VPS13B: variants seen among roughly 807,000 people sequenced by gnomAD.
VPS13B encodes intermembrane lipid transfer protein VPS13B.
Under a neutral mutation model 426.4 loss-of-function variants are expected in VPS13B, and 285 were observed. The ratio of observed to expected loss-of-function variants is 0.67; its 90% CI spans 0.61 to 0.74. The LOEUF (loss-of-function observed/expected upper bound fraction) is 0.74. Ranked by LOEUF, VPS13B falls within the 30% of genes least tolerant of loss-of-function variation. The pLI is 0.00. For missense variants in VPS13B, 4,537 were observed against 4,782.6 expected, an observed-to-expected ratio of 0.95 and a Z score of 1.51; for synonymous variants, 1,676 against 1,676.4, an observed-to-expected ratio of 1.00 and a Z score of 0.01.
chr8:99,021,864 C>T (rs1402372589), intron 2 of VPS13B, among the ~76,000 whole-genome samples: 1 of 152,144 alleles, frequency 6.6e-6, no homozygotes, highest in Non-Finnish European at 1.5e-5. Context: ...CTTCCAACCT[C>T]AGCCTCCCAA....
chr8:99,856,685 C>A (rs956419512), intron 56 of VPS13B, among the ~76,000 whole-genome samples: 3 of 151,934 alleles, frequency 2.0e-5, no homozygotes, highest in Non-Finnish European at 2.9e-5. Flanking sequence ...TACTAAAATA[C>A]AAAAAATTAG....
chr8:99,684,731 T>C (rs1322857978), intron 35 of VPS13B, among the ~76,000 whole-genome samples: 1 of 152,226 alleles, frequency 6.6e-6, no homozygotes, highest in Non-Finnish European at 1.5e-5. Context: ...CCTAGAACTC[T>C]GAAATAATTT....
At chr8:99,028,401 C>G (rs1842261642) in intron 2 of VPS13B, among the ~76,000 whole-genome samples, 1 of 147,940 alleles carries the variant, frequency 6.8e-6, no homozygotes, top group Admixed American at 6.6e-5. Context: ...CTGACCCCCC[C>G]CACCTCCCTC....
intron 19 of VPS13B, among the ~76,000 whole-genome samples, chr8:99,378,140 C>G (rs1028071746): frequency 7.3e-6 from 1 of 136,442 alleles, no homozygotes; most frequent in Non-Finnish European, 1.6e-5. Context: ...TAGAGCCCCC[C>G]CCCCCCGGAA....
intron 21 of VPS13B, among the ~76,000 whole-genome samples, chr8:99,430,424 A>G (rs939938786): frequency 1.3e-5 from 2 of 152,160 alleles, no homozygotes; most frequent in Non-Finnish European, 2.9e-5. Flanking sequence ...AAAATACTAC[A>G]TATAAATTAT....
intron 19 of VPS13B, among the ~76,000 whole-genome samples, chr8:99,298,153 C>T (rs1384865464): frequency 6.6e-6 from 1 of 152,160 alleles, no homozygotes; most frequent in Non-Finnish European, 1.5e-5. Flanking sequence ...GCTAACTTTT[C>T]AGAGAGTTCC....
chr8:99,439,321 C>T (rs1339666717), intron 22 of VPS13B, among the ~76,000 whole-genome samples: 2 of 152,090 alleles, frequency 1.3e-5, no homozygotes, highest in South Asian at 4.1e-4. Context: ...TGTTTGACTT[C>T]ATAAAGTTTA....
At chr8:99,451,281 A>G (rs1818183086) in intron 23 of VPS13B, among the ~76,000 whole-genome samples, 1 of 152,048 alleles carries the variant, frequency 6.6e-6, no homozygotes, top group Admixed American at 6.6e-5. Flanking sequence ...ATCCCACTCA[A>G]TCCTCCAGCC....
At chr8:99,305,284 AAAC>A (rs1026308326) in intron 19 of VPS13B, among the ~76,000 whole-genome samples, 4 of 152,148 alleles carry the variant, frequency 2.6e-5, no homozygotes, top group Non-Finnish European at 5.9e-5. Context: ...GTTCAGGAAA[AAAC>A]AACCAATAAA....
At chr8:99,380,135 T>C (rs1363794184) in intron 19 of VPS13B, among the ~76,000 whole-genome samples, 1 of 152,208 alleles carries the variant, frequency 6.6e-6, no homozygotes, top group African/African-American at 2.4e-5. Context: ...ATCGTACTAC[T>C]TTATTCTTGT....
intron 15 of VPS13B, among the ~76,000 whole-genome samples, chr8:99,167,917 T>G (rs1199193926): frequency 1.3e-5 from 2 of 152,180 alleles, no homozygotes; most frequent in African/African-American, 4.8e-5. Context: ...TGAGCTATCC[T>G]TCATGAAAGC....
chr8:99,640,687 C>G (rs1297472052), intron 33 of VPS13B, among the ~76,000 whole-genome samples: 4 of 152,120 alleles, frequency 2.6e-5, no homozygotes, highest in African/African-American at 9.7e-5. Flanking sequence ...TTGTTTCTAA[C>G]ACTAAATGAA....
intron 30 of VPS13B, among the ~76,000 whole-genome samples, chr8:99,528,645 G>T (rs182549411): frequency 3.3e-5 from 5 of 152,118 alleles, no homozygotes; most frequent in Admixed American, 3.3e-4. Flanking sequence ...TTTTTTCATG[G>T]TCTCATTTTT....
At chr8:99,147,112 T>G (rs1810774323) in intron 13 of VPS13B, among the ~76,000 whole-genome samples, 1 of 151,916 alleles carries the variant, frequency 6.6e-6, no homozygotes, top group Non-Finnish European at 1.5e-5. Context: ...GTATGTAGTC[T>G]TATTTATTTA....
intron 2 of VPS13B, among the ~76,000 whole-genome samples, chr8:99,030,237 T>C (rs1842449269): frequency 6.9e-6 from 1 of 145,026 alleles, no homozygotes; most frequent in South Asian, 2.3e-4. Flanking sequence ...TTTTTTCGGC[T>C]AACCTGGGTA....
At chr8:99,863,402 G>A (rs760493309) in intron 58 of VPS13B, among the ~76,000 whole-genome samples, 3 of 151,982 alleles carry the variant, frequency 2.0e-5, no homozygotes, top group Admixed American at 6.6e-5. Flanking sequence ...TTTGCAATTC[G>A]GGACCTGTTG....
chr8:99,109,322 C>G (rs559064424), intron 5 of VPS13B, among the ~76,000 whole-genome samples: 4 of 151,310 alleles, frequency 2.6e-5, no homozygotes, highest in African/African-American at 9.7e-5. Context: ...TCCTCTTTCA[C>G]TGAATAATAA....
chr8:99,211,244 C>G (rs990014700), intron 17 of VPS13B, among the ~76,000 whole-genome samples: 11 of 152,148 alleles, frequency 7.2e-5, no homozygotes, highest in Non-Finnish European at 1.2e-4. Flanking sequence ...GGCAGTCACT[C>G]TACTTACACT....
Position 99,504,098 on chromosome 8 carries a change from G to A in VPS13B, c.4157+1148G>A, listed in dbSNP as rs189472343. On this transcript the variant is annotated intron_variant, in intron 27 of 61. Transcript: ENST00000357162. ...GAGGATCTCTCATGAATGGCTTGGTGCCTCCCCATGGTGACAAGTGAAGCT... is the reference window on the plus strand; with the variant it reads ...GAGGATCTCTCATGAATGGCTTGGTACCTCCCCATGGTGACAAGTGAAGCT... 2.0e-5 allele frequency among the ~76,000 whole-genome samples: 3 copies of A among 152,308 alleles called. No homozygotes were observed. The East Asian group carries it at 5.8e-4, about 29-fold the overall frequency.
Sources: gnomAD v4.1 joint callset for allele counts (sites outside exome capture counted in the v4.1 genomes callset) on GRCh38, gnomAD v4.1.1 for gene constraint, MANE v1.5 for transcripts, NCBI Gene and HGNC (gene_info 2026-07-23, HGNC 2026-07-21) for gene names.